Variants in ADAMTSL1 observed in about 807,000 individuals in gnomAD.
ADAMTSL1 encodes the protein ADAMTS like 1, also known as ADAMTS-like protein 1.
In ADAMTSL1, 126 loss-of-function variants were observed where a neutral mutation model predicts 201.8. That is an observed-to-expected ratio of 0.62 (90% CI 0.54 to 0.72). The LOEUF is 0.72. Ranked by LOEUF, ADAMTSL1 falls within the 30% of genes least tolerant of loss-of-function variation. ADAMTSL1 has a pLI of 0.00. For synonymous variants in ADAMTSL1, 1,121 were observed against 903.4 expected (o/e 1.24, Z -4.32); for missense variants, 2,679 against 2,277.8 (o/e 1.18, Z -3.59).
intron 3 of ADAMTSL1, among the ~76,000 whole-genome samples, chr9:18,553,877 G>GA (rs1820944426): frequency 6.6e-6 from 1 of 151,734 alleles, no homozygotes; most frequent in Admixed American, 6.6e-5. Context: ...GATCTTTGTA[G>GA]AAATGAATCA....
chr9:18,251,515 T>C (rs1831464153), intron 2 of ADAMTSL1, among the ~76,000 whole-genome samples: 4 of 152,236 alleles, frequency 2.6e-5, no homozygotes, highest in Admixed American at 2.6e-4. Context: ...GACAGTATTA[T>C]AAATGCTTAT....
intron 1 of ADAMTSL1, among the ~76,000 whole-genome samples, chr9:18,134,544 C>T (rs999359026): frequency 6.6e-6 from 1 of 152,090 alleles, no homozygotes; most frequent in African/African-American, 2.4e-5. Flanking sequence ...AAGTGGTAAT[C>T]ATCCTGATGT....
At chr9:18,628,714 A>T (rs1826553134) in intron 5 of ADAMTSL1, among the ~76,000 whole-genome samples, 1 of 152,160 alleles carries the variant, frequency 6.6e-6, no homozygotes, top group Non-Finnish European at 1.5e-5. Context: ...ATAAGGTATG[A>T]GAATTTTATG....
At position 17,983,064 on chromosome 9, in the gene ADAMTSL1, C is replaced by CTTTTTTTTTTTTTTTTTTTTT. The variant is rs202085722; in HGVS notation, c.87+76145_87+76146insTTTTTTTTTTTTTTTTTTTTT. ...TTTTCATTTTCTTTTTCTTTTCTTT[C>CTTTTTTTTTTTTTTTTTTTTT]TTTCTTTCTTTCTTTTTTTTTTTTG... On this transcript the variant is annotated intron_variant, in intron 1 of 29. Coordinates refer to the ADAMTSL1 transcript ENST00000680146. 8.5e-4 allele frequency among the ~76,000 whole-genome samples: 75 copies of CTTTTTTTTTTTTTTTTTTTTT among 88,554 alleles called. 3 individuals are homozygous for CTTTTTTTTTTTTTTTTTTTTT. Among genetic ancestry groups the CTTTTTTTTTTTTTTTTTTTTT allele is most frequent in the African/African-American group, 9.5e-4 (22 of 23,232 alleles). The allele number at this position is 88,554 out of a possible 152,430, so 58.1% of individuals were successfully genotyped here.
chr9:17,966,451 G>A (rs1394530941), intron 1 of ADAMTSL1, among the ~76,000 whole-genome samples: 3 of 152,122 alleles, frequency 2.0e-5, no homozygotes, highest in East Asian at 1.9e-4. Flanking sequence ...GCCGCATTCC[G>A]ATCACAGACC....
intron 1 of ADAMTSL1, among the ~76,000 whole-genome samples, chr9:18,010,498 G>T (rs1820007482): frequency 6.6e-6 from 1 of 152,052 alleles, no homozygotes. Flanking sequence ...ACCTGTCAGA[G>T]TCAGAACAGG....
At position 18,892,448 on chromosome 9, in the gene ADAMTSL1, G is replaced by T. The variant is rs368610531; in HGVS notation, c.4703G>T (p.Arg1568Leu). ...TRSCGGGVQT[R>L]RVTCQKLKAS... ...AGCTGTGGGGGAGGTGTCCAGACCC[G>T]CAGGGTGACCTGTCAAAAGCTGAAA... is the stretch of plus-strand genomic sequence containing the variant. Residue 1568 changes from arginine to leucine, a missense_variant, in exon 26 of 29, where the codon CGC (arginine) becomes CTC (leucine). Physicochemically the swap from Arg to Leu is moderately radical, Grantham distance 102. Transcript: ENST00000380548. 13 of 1,613,348 alleles carry T rather than the reference G, an allele frequency of 8.1e-6. No individual in the cohort carries two copies. The highest frequency in any genetic ancestry group is 1.0e-5 in the Non-Finnish European group (12 of 1,179,758).
At chr9:18,431,997 T>A (rs1171112020) in intron 2 of ADAMTSL1, among the ~76,000 whole-genome samples, 1 of 152,198 alleles carries the variant, frequency 6.6e-6, no homozygotes, top group Non-Finnish European at 1.5e-5. Context: ...CATTTTCACA[T>A]GAAAAATGGT....
chr9:17,981,855 G>C (rs754272134), intron 1 of ADAMTSL1, among the ~76,000 whole-genome samples: 1 of 152,084 alleles, frequency 6.6e-6, no homozygotes, highest in South Asian at 2.1e-4. Flanking sequence ...TTAGTTTGGG[G>C]TTGCCCTTGT....
intron 2 of ADAMTSL1, among the ~76,000 whole-genome samples, chr9:18,212,070 C>T (rs1252022192): frequency 1.3e-5 from 2 of 152,168 alleles, no homozygotes; most frequent in Non-Finnish European, 2.9e-5. Context: ...AACAAGTCCA[C>T]TGTGACCAGA....
chr9:18,555,037 C>A (rs557349534), intron 3 of ADAMTSL1, among the ~76,000 whole-genome samples: 1 of 151,966 alleles, frequency 6.6e-6, no homozygotes, highest in Non-Finnish European at 1.5e-5. Flanking sequence ...TCCTCACCTC[C>A]CCATAACCCG....
intron 2 of ADAMTSL1, among the ~76,000 whole-genome samples, chr9:18,218,360 A>G (rs751686120): frequency 3.2e-4 from 49 of 152,290 alleles, no homozygotes; most frequent in Non-Finnish European, 5.7e-4. Context: ...AGTCCATGCT[A>G]TTTGGCTGCT....
chr9:18,326,485 A>G (rs1834835615), intron 2 of ADAMTSL1, among the ~76,000 whole-genome samples: 1 of 151,624 alleles, frequency 6.6e-6, no homozygotes, highest in Non-Finnish European at 1.5e-5. Context: ...ACTGGTTGCT[A>G]TACATTTTTT....
At chr9:18,814,288 G>T (rs981928643) in intron 20 of ADAMTSL1, among the ~76,000 whole-genome samples, 1 of 152,150 alleles carries the variant, frequency 6.6e-6, no homozygotes, top group Non-Finnish European at 1.5e-5. Context: ...TGGTTTGCTA[G>T]TATATTGTTA....
rs539782825 is a variant in ADAMTSL1 at position 18,485,972 on chromosome 9, T to A, written c.63+11677T>A. Among the ~76,000 whole-genome samples the A allele has an allele frequency of 3.3e-5, 5 of 152,310 alleles. No homozygotes were observed. The East Asian group carries it at 9.7e-4, about 29-fold the overall frequency. On this transcript the variant is annotated intron_variant, in intron 1 of 28. Transcript: ENST00000380548. ...ACAAAGAAGCGTAAACATCCAGCTG[T>A]AAGGCTACATAGTTACTGGTAGCAA...
intron 4 of ADAMTSL1, among the ~76,000 whole-genome samples, chr9:18,588,803 T>C (rs937992734): frequency 6.9e-6 from 1 of 145,794 alleles, no homozygotes; most frequent in African/African-American, 2.5e-5. Flanking sequence ...TCTATTCTGT[T>C]CCATTGGTGT....
intron 2 of ADAMTSL1, among the ~76,000 whole-genome samples, chr9:18,444,149 C>T (rs1022601429): frequency 3.3e-5 from 5 of 152,252 alleles, no homozygotes; most frequent in African/African-American, 1.2e-4. Flanking sequence ...GCATGTGTGA[C>T]GATGGCTTCA....
intron 2 of ADAMTSL1, among the ~76,000 whole-genome samples, chr9:18,384,399 A>G (rs949523039): frequency 3.3e-5 from 5 of 152,188 alleles, no homozygotes; most frequent in Non-Finnish European, 7.4e-5. Context: ...ATTGGGAATT[A>G]CAATTCAACA....
chr9:17,986,422 G>A (rs1818931863), intron 1 of ADAMTSL1, among the ~76,000 whole-genome samples: 1 of 151,984 alleles, frequency 6.6e-6, no homozygotes, highest in Non-Finnish European at 1.5e-5. Flanking sequence ...ATAGTCCTGA[G>A]TATGTACCCA....
Sources: allele counts gnomAD v4.1 joint callset (sites outside exome capture counted in the v4.1 genomes callset), GRCh38; gene constraint gnomAD v4.1.1; transcripts MANE v1.5; gene names NCBI Gene and HGNC (gene_info 2026-07-23, HGNC 2026-07-21).